Variants in PLCH2 observed in about 807,000 individuals in gnomAD.
PLCH2 encodes 1-phosphatidylinositol 4,5-bisphosphate phosphodiesterase eta-2.
A neutral mutation model predicts 134.7 loss-of-function variants in PLCH2; 98 were observed. That is an observed-to-expected ratio of 0.73 (90% CI 0.62 to 0.86). The LOEUF (loss-of-function observed/expected upper bound fraction) is 0.86. PLCH2 is among the 40% of genes least tolerant of loss of function. The probability of loss-of-function intolerance (pLI) is 0.00; values close to 1 mark genes in which losing one functional copy is unlikely to be tolerated. For missense variants in PLCH2, 1,994 were observed against 1,986.6 expected, an observed-to-expected ratio of 1.00 and a Z score of -0.07; for synonymous variants, 974 against 827.5, an observed-to-expected ratio of 1.18 and a Z score of -3.04.
upstream of PLCH2, among the ~76,000 whole-genome samples, chr1:2,421,856 C>T (rs12143389): frequency 0.32 from 49,220 of 151,792 alleles, 8,170 homozygotes; most frequent in East Asian, 0.52. Flanking sequence ...TGCCTGTAAT[C>T]TCAGCTACAC....
At position 2,483,606 on chromosome 1, in the gene PLCH2, G is replaced by A. The variant is rs541270302; in HGVS notation, c.646-842G>A. Among the ~76,000 whole-genome samples, 37 of 152,240 alleles carry A rather than the reference G, an allele frequency of 2.4e-4. 1 individual carries two copies. In the South Asian group the frequency reaches 7.7e-3, roughly 32 times the overall value. On this transcript the variant is annotated intron_variant, in intron 4 of 21. Transcript: ENST00000378486. Reference sequence around the variant, plus strand: ...CCCAGCCCTGGGCTCCCATACCCTTGTGAGGCAAAGTCCTCAATCCTTAGG... The same window carrying A: ...CCCAGCCCTGGGCTCCCATACCCTTATGAGGCAAAGTCCTCAATCCTTAGG...
At chr1:2,452,753 G>A (rs1640305491) in intron 2 of PLCH2, among the ~76,000 whole-genome samples, 1 of 152,212 alleles carries the variant, frequency 6.6e-6, no homozygotes, top group Non-Finnish European at 1.5e-5. Context: ...CACCCAGTCA[G>A]CCTTGGTCCT....
chr1:2,428,533 T>A (rs1284824988), intron 1 of PLCH2, among the ~76,000 whole-genome samples: 2 of 152,262 alleles, frequency 1.3e-5, no homozygotes, highest in African/African-American at 4.8e-5. Flanking sequence ...CGCCAACGGC[T>A]GACCTCATGG....
At chr1:2,502,763 A>G (rs1643307650) in intron 21 of PLCH2, 1 of 716,518 alleles carries the variant, frequency 1.4e-6, no homozygotes, top group African/African-American at 1.7e-5. Context: ...GGACTCCAGC[A>G]GCCCAGACAG....
intron 8 of PLCH2, 102 bp downstream of exon 8, chr1:2,487,820 C>A: frequency 8.5e-7 from 1 of 1,170,338 alleles, no homozygotes; most frequent in Non-Finnish European, 1.2e-6. Context: ...TCTTTGGGAG[C>A]AGTGACTGTG....
At position 2,478,641 on chromosome 1, in the gene PLCH2, G is replaced by A. The variant is rs1023556346; in HGVS notation, c.271+19G>A. The A allele has an allele frequency of 6.3e-7, 1 of 1,597,098 alleles. No homozygotes were observed. Among genetic ancestry groups the A allele is most frequent in the African/African-American group, 1.3e-5 (1 of 74,654 alleles). On this transcript the variant is annotated intron_variant, in intron 2 of 21. Transcript: ENST00000378486. ...GCCAAGAGTGAGTGGGAGCCCTGGG[G>A]TGGGGACAAATCAGAGTCCCTGGGG...
Position 2,498,365 on chromosome 1 carries a change from G to A in PLCH2, c.2225-158G>A, listed in dbSNP as rs1337988260. ...ATCCATACTGGGCCAGGTGCACCCC[G>A]AGGTGCCCCCCTGGACCACTGCCTC... is the stretch of plus-strand genomic sequence containing the variant. On this transcript the variant is annotated intron_variant, in intron 16 of 21. Transcript: ENST00000378486. The surrounding 1 kb of genome is among the most constrained non-coding windows in gnomAD (Gnocchi z 5.4). 7 of 727,394 alleles carry A rather than the reference G, an allele frequency of 9.6e-6. No individual in the cohort carries two copies. Among genetic ancestry groups the A allele is most frequent in the South Asian group, 3.8e-5 (2 of 53,152 alleles). The allele number at this position is 727,394 out of a possible 1,614,324, so 45.1% of individuals were successfully genotyped here. A position where few individuals can be genotyped will look rare whatever the true frequency, so the allele number is the denominator to read the frequency against.
At chr1:2,438,244 C>T (rs1639526072) in intron 2 of PLCH2, among the ~76,000 whole-genome samples, 1 of 152,258 alleles carries the variant, frequency 6.6e-6, no homozygotes, top group Admixed American at 6.5e-5. Flanking sequence ...GCGCCCGGCC[C>T]TGTGCAGGCG....
chr1:2,501,193 G>C (rs1056889648), intron 20 of PLCH2: 3 of 152,104 alleles, frequency 2.0e-5, no homozygotes, highest in Admixed American at 2.0e-4. Flanking sequence ...GCCCCTGCAG[G>C]GGGGTGACCC....
At chr1:2,418,413 A>C in the PLCH2 span, among the ~76,000 whole-genome samples, 1 of 152,110 alleles carries the variant, frequency 6.6e-6, no homozygotes, top group African/African-American at 2.4e-5. Flanking sequence ...TGGGGGTCTC[A>C]GTGGAGGGGG....
chr1:2,453,935 C>A (rs1459636805), intron 2 of PLCH2, among the ~76,000 whole-genome samples: 3 of 151,936 alleles, frequency 2.0e-5, no homozygotes, highest in Admixed American at 1.3e-4. Flanking sequence ...AGGGCAGGCC[C>A]CAGCCAGTGT....
intron 1 of PLCH2, among the ~76,000 whole-genome samples, chr1:2,467,914 C>T (rs1437541787): frequency 6.6e-6 from 1 of 152,220 alleles, no homozygotes; most frequent in East Asian, 1.9e-4. Context: ...CGCCCCCACC[C>T]TGCCTCATCT....
At chr1:2,495,457 C>T (rs1642831714) in intron 12 of PLCH2, 31 bp from the exon 13 acceptor site, 1 of 1,544,054 alleles carries the variant, frequency 6.5e-7, no homozygotes, top group Non-Finnish European at 8.8e-7. Flanking sequence ...GGCCAGAGGC[C>T]CTACAGCTCA....
Position 2,499,157 on chromosome 1 carries a change from C to T in PLCH2, c.2508C>T (p.Leu836=), listed in dbSNP as rs749619370. ...HMPEIALVRF[L]VWDHDPIGRD... ...CGGAGATCGCGCTGGTCCGCTTCCT[C>T]GTCTGGGACCACGATCCCATCGGGC... Residue 836 remains leucine, a synonymous_variant, in exon 19 of 22, where the codon CTC becomes CTT. Transcript: ENST00000378486. 30 of 1,613,040 alleles carry T rather than the reference C, an allele frequency of 1.9e-5. No homozygotes were observed. The highest frequency in any genetic ancestry group is 3.3e-4 in the Middle Eastern group (2 of 6,078).
Position 2,504,277 on chromosome 1 carries a change from G to T in PLCH2, c.3315G>T (p.Leu1105=), listed in dbSNP as rs752101515. 6.3e-7 allele frequency: 1 copy of T among 1,595,556 alleles called. No homozygotes were observed. The highest frequency in any genetic ancestry group is 2.2e-5 in the East Asian group (1 of 44,622). Residue 1105 remains leucine (L), a synonymous_variant, in exon 22 of 22, where the codon CTG becomes CTT. Transcript: ENST00000378486. The stretch of plus-strand genomic sequence containing the variant: ...AGGGGCAGGTGCCCACGGAGCCCCT[G>T]GGAGGGTGGCGGCCCCTGGCCGCTC... ...KSEGQVPTEP[L]GGWRPLAAPF... is the part of the protein sequence containing the mutation.
At chr1:2,466,176 C>T (rs530871057), upstream of PLCH2, among the ~76,000 whole-genome samples, 17 of 152,304 alleles carry the variant, frequency 1.1e-4, no homozygotes, top group East Asian at 2.9e-3. Context: ...AGCTCAGCAC[C>T]GGGACCCACT....
Position 2,479,987 on chromosome 1 carries a change from G to A in PLCH2, c.515+10G>A, listed in dbSNP as rs1641869309. The A allele has an allele frequency of 7.5e-6, 12 of 1,601,358 alleles. No homozygotes were observed. Among genetic ancestry groups the A allele is most frequent in the Non-Finnish European group, 1.0e-5 (12 of 1,171,604 alleles). On this transcript the variant is annotated intron_variant, in intron 3 of 21. Coordinates refer to ENST00000378486, the MANE Select transcript of PLCH2 (RefSeq NM_014638.4). The stretch of plus-strand genomic sequence containing the variant: ...AGCGCACCAGGGACCAATATCCTTG[G>A]GCACCTATCGGGCAATGCAGACCCA...
chr1:2,434,634 T>G (rs1223876893), intron 2 of PLCH2, among the ~76,000 whole-genome samples: 1 of 152,184 alleles, frequency 6.6e-6, no homozygotes, highest in Non-Finnish European at 1.5e-5. Flanking sequence ...AAGGGCCAAG[T>G]GTGGCAAGGG....
In PLCH2 at chr1:2,502,739, G is replaced by A. The variant is rs565895661; in HGVS notation, c.2959+330G>A. 1.2e-4 allele frequency: 88 copies of A among 716,154 alleles called. 2 individuals are homozygous for A. Among genetic ancestry groups the A allele is most frequent in the South Asian group, 9.3e-4 (63 of 67,524 alleles). The allele number at this position is 716,154 out of a possible 1,614,324, so 44.4% of individuals were successfully genotyped here. ...CTGGAGGCAGGGTCCAGGCGGTAGCGGCTCCATGTCCTCGGACTCCAGCAG... is the reference window on the plus strand; with the variant it reads ...CTGGAGGCAGGGTCCAGGCGGTAGCAGCTCCATGTCCTCGGACTCCAGCAG... On this transcript the variant is annotated intron_variant, in intron 21 of 21. Transcript: ENST00000378486.
Sources: allele counts gnomAD v4.1 joint callset (sites outside exome capture counted in the v4.1 genomes callset), GRCh38; gene constraint gnomAD v4.1.1; non-coding constraint Gnocchi (gnomAD v3.1); transcripts MANE v1.5; gene names NCBI Gene and HGNC (gene_info 2026-07-23, HGNC 2026-07-21).